Variants in TMEM161B observed in about 807,000 individuals in gnomAD.
The protein encoded by TMEM161B is transmembrane protein 161B.
Under a neutral mutation model 61.8 loss-of-function variants are expected in TMEM161B, and 34 were observed. That is an observed-to-expected ratio of 0.55 (90% CI 0.42 to 0.73). The LOEUF is 0.73. Among genes scored for constraint, TMEM161B ranks in the 30% least tolerant of loss-of-function variants. The pLI is 0.00. For synonymous variants in TMEM161B, 167 were observed against 192.8 expected, an observed-to-expected ratio of 0.87 and a Z score of 1.11; for missense variants, 456 against 558.5, an observed-to-expected ratio of 0.82 and a Z score of 1.85.
At chr5:88,207,634 A>G (rs1007545066) in intron 5 of TMEM161B, among the ~76,000 whole-genome samples, 1 of 152,198 alleles carries the variant, frequency 6.6e-6, no homozygotes, top group African/African-American at 2.4e-5. Flanking sequence ...TCACATTAGT[A>G]ATAAGAAAAA....
chr5:88,224,996 C>T (rs1749769687), intron 4 of TMEM161B, among the ~76,000 whole-genome samples: 1 of 115,456 alleles, frequency 8.7e-6, no homozygotes, highest in Non-Finnish European at 1.6e-5. Flanking sequence ...GAGACGGAGT[C>T]TCGCTCTGTC....
chr5:88,204,107 G>A (rs1744988027), intron 8 of TMEM161B, among the ~76,000 whole-genome samples: 1 of 151,928 alleles, frequency 6.6e-6, no homozygotes, highest in Admixed American at 6.6e-5. Flanking sequence ...GAACAGGGCT[G>A]GGTCAGGAAG....
intron 9 of TMEM161B, chr5:88,200,889 G>A (rs952263017): frequency 2.0e-5 from 3 of 151,918 alleles, no homozygotes; most frequent in African/African-American, 7.3e-5. Context: ...TTTCTGGGTT[G>A]AAACTACATT....
chr5:88,230,914 G>A (rs1750879580), intron 2 of TMEM161B, among the ~76,000 whole-genome samples: 1 of 152,066 alleles, frequency 6.6e-6, no homozygotes, highest in Non-Finnish European at 1.5e-5. Flanking sequence ...ATGATTAGAG[G>A]GTCAGGACTT....
At chr5:88,236,672 A>C (rs1751913744) in intron 2 of TMEM161B, among the ~76,000 whole-genome samples, 1 of 152,194 alleles carries the variant, frequency 6.6e-6, no homozygotes, top group Non-Finnish European at 1.5e-5. Context: ...GTGTGAGGGC[A>C]TTAGATTCTT....
At chr5:88,219,946 C>T (rs1189249798) in intron 5 of TMEM161B, among the ~76,000 whole-genome samples, 1 of 151,552 alleles carries the variant, frequency 6.6e-6, no homozygotes, top group East Asian at 1.9e-4. Flanking sequence ...ATTAGCTATG[C>T]TGGAAGTTTA....
chr5:88,258,583 T>G (rs1027429878), intron 1 of TMEM161B, among the ~76,000 whole-genome samples: 1 of 151,956 alleles, frequency 6.6e-6, no homozygotes, highest in South Asian at 2.1e-4. Flanking sequence ...TAAATACATA[T>G]CCCCATAAAC....
intron 1 of TMEM161B, chr5:88,259,231 C>A (rs1011879479): frequency 7.2e-5 from 11 of 152,160 alleles, no homozygotes; most frequent in Non-Finnish European, 1.5e-4. Flanking sequence ...TAAGTAAATA[C>A]CTGTGAAGCA....
chr5:88,200,434 A>T (rs986371403), intron 9 of TMEM161B: 10 of 152,076 alleles, frequency 6.6e-5, no homozygotes, highest in Admixed American at 5.9e-4. Context: ...TATAAACAAT[A>T]CTGTGCTCCC....
intron 2 of TMEM161B, among the ~76,000 whole-genome samples, chr5:88,238,002 AC>A (rs1169252363): frequency 6.6e-6 from 1 of 152,168 alleles, no homozygotes; most frequent in Admixed American, 6.5e-5. Flanking sequence ...TGCCCCCAAC[AC>A]CCCTTCCAGA....
intron 1 of TMEM161B, among the ~76,000 whole-genome samples, chr5:88,267,736 C>A (rs1756584316): frequency 1.3e-5 from 2 of 152,140 alleles, no homozygotes; most frequent in African/African-American, 4.8e-5. Context: ...AGGGTTGATC[C>A]ATACCCCCCT....
chr5:88,217,519 C>T (rs1456901316), intron 5 of TMEM161B, among the ~76,000 whole-genome samples: 4 of 144,622 alleles, frequency 2.8e-5, no homozygotes, highest in South Asian at 2.1e-4. Context: ...ATTCTCTACA[C>T]TAGGGTAAAA....
chr5:88,194,179 C>T (rs905572896), downstream of TMEM161B, among the ~76,000 whole-genome samples: 1 of 152,066 alleles, frequency 6.6e-6, no homozygotes, highest in Non-Finnish European at 1.5e-5. Flanking sequence ...CTAGTGTCTA[C>T]TGTTTCCATT....
chr5:88,202,440 T>A (rs948330379), intron 9 of TMEM161B: 2 of 175,904 alleles, frequency 1.1e-5, no homozygotes, highest in African/African-American at 4.8e-5. Flanking sequence ...ATATCCTTAT[T>A]TTTTTTAGAG....
intron 9 of TMEM161B, chr5:88,199,912 T>C (rs1485432623): frequency 6.6e-6 from 1 of 152,064 alleles, no homozygotes; most frequent in Non-Finnish European, 1.5e-5. Context: ...GTAATTTGAA[T>C]GTAGTGACTA....
intron 4 of TMEM161B, among the ~76,000 whole-genome samples, chr5:88,221,135 C>T (rs962906452): frequency 6.6e-6 from 1 of 152,180 alleles, no homozygotes; most frequent in Admixed American, 6.5e-5. Flanking sequence ...TTATACTGTT[C>T]ACTTTTGTGA....
At chr5:88,205,702 A>T in intron 8 of TMEM161B, 112 bp downstream of exon 8, 4 of 1,236,996 alleles carry the variant, frequency 3.2e-6, no homozygotes, top group Non-Finnish European at 4.4e-6. Context: ...GTGACATCAA[A>T]TGGTTATTAA....
At position 88,240,801 on chromosome 5, in the gene TMEM161B, TCC is replaced by T. The variant is rs758220323; in HGVS notation, c.107+10_107+11del. ...GAAAGTGTCAGTTGAAATCAGCCTA[TCC>T]TTGCCTTACCTGCCATTACAGAGTA... is the stretch of plus-strand genomic sequence containing the variant. On this transcript the variant is annotated intron_variant, in intron 2 of 11. Transcript: ENST00000296595. 1 of 1,594,390 alleles carries T rather than the reference TCC, an allele frequency of 6.3e-7. No homozygotes were observed. The highest frequency in any genetic ancestry group is 1.7e-5 in the Admixed American group (1 of 59,750).
intron 2 of TMEM161B, among the ~76,000 whole-genome samples, chr5:88,235,343 T>A (rs1208706107): frequency 6.6e-6 from 1 of 152,206 alleles, no homozygotes; most frequent in Non-Finnish European, 1.5e-5. Flanking sequence ...CATATAAAAC[T>A]CTATTTCATG....
Sources: gnomAD v4.1 joint callset for allele counts (sites outside exome capture counted in the v4.1 genomes callset) on GRCh38, gnomAD v4.1.1 for gene constraint, MANE v1.5 for transcripts, NCBI Gene and HGNC (gene_info 2026-07-23, HGNC 2026-07-21) for gene names.